Variants in NR5A2 observed in about 807,000 individuals in gnomAD.
NR5A2 encodes the protein CYP7A promoter-binding factor.
In NR5A2, 26 loss-of-function variants were observed where a neutral mutation model predicts 62.7. The observed-to-expected ratio is 0.41, with a 90% CI of 0.30 to 0.58. The LOEUF is 0.58. NR5A2 is among the 20% of genes least tolerant of loss of function. The pLI, the probability that NR5A2 is intolerant of heterozygous loss-of-function variation, is 0.22. For synonymous variants in NR5A2, 246 were observed against 241.7 expected (o/e 1.02, Z -0.16); for missense variants, 541 against 669.1 (o/e 0.81, Z 2.11).
At chr1:200,120,748 T>A (rs1197429951) in intron 6 of NR5A2, 60 bp from the exon 7 acceptor site, 4 of 1,463,664 alleles carry the variant, frequency 2.7e-6, no homozygotes, top group Non-Finnish European at 3.6e-6. Context: ...TTCTTACGAC[T>A]CAGGTGAAAT....
chr1:200,048,876 TCCTA>T lies in NR5A2; in HGVS notation c.1110+59_1110+62del. ...CCTTTTAAGAGAGACCTAACTATGTTCCTAATTAATACATTCTTGGTGCTGAAAA... is the reference window on the plus strand; with the variant it reads ...CCTTTTAAGAGAGACCTAACTATGTTATTAATACATTCTTGGTGCTGAAAA... On this transcript the variant is annotated intron_variant, in intron 5 of 7. Coordinates refer to ENST00000367362, the MANE Select transcript of NR5A2 (RefSeq NM_205860.3). The surrounding 1 kb of genome is among the most constrained non-coding windows in gnomAD (Gnocchi z 4.8). 2.6e-6 allele frequency: 4 copies of T among 1,563,144 alleles called. No individual in the cohort carries two copies.
intron 5 of NR5A2, among the ~76,000 whole-genome samples, chr1:200,079,446 T>G (rs1205573183): frequency 2.0e-5 from 3 of 152,150 alleles, no homozygotes; most frequent in Non-Finnish European, 4.4e-5. Flanking sequence ...AAGGGCAGGG[T>G]CTCATCCTGA....
chr1:200,064,353 T>C (rs1182066201), intron 5 of NR5A2, among the ~76,000 whole-genome samples: 2 of 152,304 alleles, frequency 1.3e-5, no homozygotes, highest in East Asian at 3.9e-4. Flanking sequence ...TTTAAGATTA[T>C]GTTTGAACTG....
chr1:200,094,859 A>G (rs1185710265), intron 5 of NR5A2, among the ~76,000 whole-genome samples: 1 of 152,070 alleles, frequency 6.6e-6, no homozygotes, highest in Non-Finnish European at 1.5e-5. Context: ...TCAAAATATG[A>G]CTGTTCTTCA....
intron 7 of NR5A2, among the ~76,000 whole-genome samples, chr1:200,139,393 C>T (rs969426732): frequency 5.9e-5 from 9 of 152,082 alleles, no homozygotes; most frequent in Admixed American, 3.3e-4. Flanking sequence ...ACAATATTGA[C>T]TTGGTGTGAT....
At chr1:200,076,231 A>G (rs1243312827) in intron 5 of NR5A2, among the ~76,000 whole-genome samples, 3 of 152,198 alleles carry the variant, frequency 2.0e-5, no homozygotes, top group South Asian at 2.1e-4. Context: ...TGTTCCAATA[A>G]TAAAACCTCA....
At chr1:200,138,865 C>T (rs1375566625) in intron 7 of NR5A2, among the ~76,000 whole-genome samples, 1 of 152,122 alleles carries the variant, frequency 6.6e-6, no homozygotes, top group Non-Finnish European at 1.5e-5. Flanking sequence ...CCTTTTATTT[C>T]AAAATAGTCT....
At chr1:200,070,784 TG>T (rs1663707328) in intron 5 of NR5A2, among the ~76,000 whole-genome samples, 1 of 125,002 alleles carries the variant, frequency 8.0e-6, no homozygotes. Context: ...TACACAAACC[TG>T]ATTTAGAGCT....
chr1:200,168,871 C>T (rs757528962), intron 7 of NR5A2, among the ~76,000 whole-genome samples: 45 of 152,312 alleles, frequency 3.0e-4, no homozygotes, highest in African/African-American at 1.1e-3. Flanking sequence ...TGAACATTAG[C>T]TCCTTACAGA....
intron 5 of NR5A2, among the ~76,000 whole-genome samples, chr1:200,095,630 C>G (rs757739915): frequency 1.7e-4 from 26 of 151,600 alleles, no homozygotes; most frequent in African/African-American, 2.9e-4. Context: ...TCAGCTCACT[C>G]CAAGCTCCAC....
intron 5 of NR5A2, among the ~76,000 whole-genome samples, chr1:200,107,751 T>C (rs1279354875): frequency 1.3e-5 from 2 of 152,052 alleles, no homozygotes; most frequent in African/African-American, 2.4e-5. Context: ...GCAATTCTCC[T>C]GTCTCAGCCT....
At chr1:200,045,333 G>A (rs1662308532) in intron 3 of NR5A2, 110 bp from the exon 4 acceptor site, 2 of 944,628 alleles carry the variant, frequency 2.1e-6, no homozygotes, top group Admixed American at 3.1e-5. Flanking sequence ...ACCACATAAG[G>A]GCTCAAATAG....
At chr1:200,165,129 G>A (rs1002600699) in intron 7 of NR5A2, among the ~76,000 whole-genome samples, 1 of 151,868 alleles carries the variant, frequency 6.6e-6, no homozygotes, top group African/African-American at 2.4e-5. Flanking sequence ...TGCCCGCCTC[G>A]GCCTCCCAAA....
intron 1 of NR5A2, among the ~76,000 whole-genome samples, chr1:200,032,559 G>A (rs1365622423): frequency 6.6e-6 from 1 of 152,162 alleles, no homozygotes; most frequent in East Asian, 1.9e-4. Flanking sequence ...AAGTTAGCAA[G>A]CACATCCCAC....
intron 5 of NR5A2, among the ~76,000 whole-genome samples, chr1:200,073,268 T>A (rs866099207): frequency 1.4e-4 from 16 of 111,196 alleles, no homozygotes; most frequent in African/African-American, 5.3e-4. Context: ...ATATTCCCCT[T>A]TATATATATA....
chr1:200,039,880 G>T lies in NR5A2; in HGVS notation c.202+85G>T. 2.1e-6 allele frequency: 3 copies of T among 1,452,288 alleles called. No homozygotes were observed. The highest frequency in any genetic ancestry group is 2.8e-5 in the South Asian group (2 of 72,296). 90.0% of individuals were successfully genotyped at this position (1,452,288 alleles called of 1,614,324 possible). A position where few individuals can be genotyped will look rare whatever the true frequency, so the allele number is the denominator to read the frequency against. On this transcript the variant is annotated intron_variant, in intron 2 of 7. Coordinates refer to ENST00000367362, the MANE Select transcript of NR5A2 (RefSeq NM_205860.3). This position sits in a 1 kb window ranked among gnomAD's most constrained non-coding sequence, Gnocchi z 5.1. ...TGCAGGCTTCAGCCTCCCGCCCCGC[G>T]CGGGCGCGGGAGTAGCCCCGCTGGG...
At chr1:200,063,064 C>T (rs923322956) in intron 5 of NR5A2, among the ~76,000 whole-genome samples, 1 of 151,350 alleles carries the variant, frequency 6.6e-6, no homozygotes, top group African/African-American at 2.4e-5. Flanking sequence ...CATTCTGTCA[C>T]CCAGGCTGGA....
intron 7 of NR5A2, among the ~76,000 whole-genome samples, chr1:200,171,708 C>T (rs1654188636): frequency 1.3e-5 from 2 of 152,106 alleles, no homozygotes; most frequent in Non-Finnish European, 2.9e-5. Context: ...GAGATCGCAC[C>T]ACTGCACTAC....
At chr1:200,089,852 C>A (rs964804163) in intron 5 of NR5A2, among the ~76,000 whole-genome samples, 1 of 152,220 alleles carries the variant, frequency 6.6e-6, no homozygotes, top group African/African-American at 2.4e-5. Context: ...TCACTCACAA[C>A]TTTCTATTGC....
Sources: allele counts gnomAD v4.1 joint callset (sites outside exome capture counted in the v4.1 genomes callset), GRCh38; gene constraint gnomAD v4.1.1; non-coding constraint Gnocchi (gnomAD v3.1); transcripts MANE v1.5; gene names NCBI Gene and HGNC (gene_info 2026-07-23, HGNC 2026-07-21).